The following SAMD13 variants were observed in gnomAD, a reference collection of about 807,000 sequenced individuals.
The protein encoded by SAMD13 is sterile alpha motif domain-containing protein 13.
In SAMD13, 9 loss-of-function variants were observed where a neutral mutation model predicts 12.4. The observed-to-expected ratio is 0.72, with a 90% confidence interval of 0.44 to 1.26. SAMD13 has a LOEUF of 1.26. Ranked by LOEUF, SAMD13 falls within the 50% of genes most tolerant of loss-of-function variation. The pLI is 0.00. For missense variants in SAMD13, 84 were observed against 119.6 expected (o/e 0.70, Z 1.39); for synonymous variants, 46 against 45.4 (o/e 1.01, Z -0.05).
At chr1:84,300,733 A>G (rs1359921317), upstream of SAMD13, among the ~76,000 whole-genome samples, 3 of 152,226 alleles carry the variant, frequency 2.0e-5, no homozygotes, top group African/African-American at 7.2e-5. Flanking sequence ...AAGTGGTTTA[A>G]GCCAAGCAAG....
chr1:84,306,144 T>C (rs1678567036), intron 2 of SAMD13, among the ~76,000 whole-genome samples: 1 of 152,220 alleles, frequency 6.6e-6, no homozygotes, highest in Non-Finnish European at 1.5e-5. Flanking sequence ...ATGTCTTCTT[T>C]AATTTCTCTC....
At chr1:84,320,032 G>C (rs376123761) in intron 2 of SAMD13, among the ~76,000 whole-genome samples, 8 of 152,106 alleles carry the variant, frequency 5.3e-5, no homozygotes, top group African/African-American at 1.4e-4. Flanking sequence ...TTTTGGAATA[G>C]AGCAGGAAAC....
intron 2 of SAMD13, among the ~76,000 whole-genome samples, chr1:84,322,104 TC>T (rs992884207): frequency 6.6e-6 from 1 of 152,200 alleles, no homozygotes; most frequent in Non-Finnish European, 1.5e-5. Context: ...AAATACGTCC[TC>T]AACAGCACTT....
intron 2 of SAMD13, among the ~76,000 whole-genome samples, chr1:84,312,432 A>G (rs905281566): frequency 6.6e-6 from 1 of 151,462 alleles, no homozygotes; most frequent in South Asian, 2.1e-4. Context: ...TTAACTAAAA[A>G]TATTTAATTA....
chr1:84,332,191 A>G (rs768794564), intron 3 of SAMD13, among the ~76,000 whole-genome samples: 5 of 152,180 alleles, frequency 3.3e-5, no homozygotes, highest in Non-Finnish European at 7.4e-5. Flanking sequence ...ACTGCAGTGA[A>G]CATACAGGTG....
intron 2 of SAMD13, among the ~76,000 whole-genome samples, chr1:84,312,627 A>G (rs535976921): frequency 3.0e-4 from 46 of 152,224 alleles, no homozygotes; most frequent in Non-Finnish European, 5.9e-4. Context: ...GGGATGTACT[A>G]CCAGAGAGGA....
At chr1:84,302,613 T>A in intron 1 of SAMD13, 13 of 985,124 alleles carry the variant, frequency 1.3e-5, no homozygotes, top group Non-Finnish European at 1.6e-5. Context: ...CTATCTGGCA[T>A]TTTTTGTGAG....
chr1:84,339,115 A>G (rs1324320952), intron 3 of SAMD13, among the ~76,000 whole-genome samples: 1 of 152,140 alleles, frequency 6.6e-6, no homozygotes, highest in Non-Finnish European at 1.5e-5. Flanking sequence ...CTTCATGCCT[A>G]TCTATATTCT....
chr1:84,348,111 A>G (rs1679570264), intron 3 of SAMD13, among the ~76,000 whole-genome samples: 1 of 152,210 alleles, frequency 6.6e-6, no homozygotes, highest in South Asian at 2.1e-4. Flanking sequence ...CCTGTCGAGA[A>G]TGATGGAAGG....
At chr1:84,336,553 G>A (rs1338383296) in intron 3 of SAMD13, among the ~76,000 whole-genome samples, 1 of 152,094 alleles carries the variant, frequency 6.6e-6, no homozygotes, top group African/African-American at 2.4e-5. Context: ...ATCATGAGAA[G>A]AGCATGATAA....
intron 2 of SAMD13, among the ~76,000 whole-genome samples, chr1:84,315,202 C>A (rs1222334068): frequency 6.6e-6 from 1 of 152,116 alleles, no homozygotes; most frequent in African/African-American, 2.4e-5. Context: ...ACGTATCCAT[C>A]TTCCAGGCAG....
upstream of SAMD13, chr1:84,298,679 AAC>A: frequency 9.7e-7 from 1 of 1,026,542 alleles, no homozygotes; most frequent in Admixed American, 4.3e-5. Context: ...CCCTCCCAAA[AAC>A]ACATCTTGGC....
At chr1:84,331,946 G>A (rs1285073511) in intron 3 of SAMD13, among the ~76,000 whole-genome samples, 2 of 151,988 alleles carry the variant, frequency 1.3e-5, no homozygotes, top group African/African-American at 4.8e-5. Flanking sequence ...GTCCGTATGT[G>A]CTCAATGATT....
intron 3 of SAMD13, among the ~76,000 whole-genome samples, chr1:84,340,731 G>T (rs1679405773): frequency 6.6e-6 from 1 of 152,182 alleles, no homozygotes; most frequent in Non-Finnish European, 1.5e-5. Context: ...GGGAGCATAG[G>T]TGAAGTTGTG....
intron 2 of SAMD13, among the ~76,000 whole-genome samples, chr1:84,323,161 A>T (rs539508100): frequency 1.3e-5 from 2 of 152,216 alleles, no homozygotes; most frequent in East Asian, 3.9e-4. Flanking sequence ...ATTTGTTGGA[A>T]CAATGAACTC....
chr1:84,312,524 C>T lies in SAMD13; in HGVS notation c.53+9237C>T, dbSNP rs186826893. Among the ~76,000 whole-genome samples, 14 of 152,074 alleles carry T rather than the reference C, an allele frequency of 9.2e-5. No homozygotes were observed. In the East Asian group the frequency reaches 1.7e-3, roughly 19 times the overall value. On this transcript the variant is annotated intron_variant, in intron 2 of 3. Transcript: ENST00000394834. ...AAGGGATCCTCATAACTCCTGCTGT[C>T]CATAAGCGTTCAACAAACATATTAC...
chr1:84,333,014 A>G (rs895007737), intron 3 of SAMD13, among the ~76,000 whole-genome samples: 4 of 151,972 alleles, frequency 2.6e-5, no homozygotes, highest in African/African-American at 9.7e-5. Flanking sequence ...GTTTTTGTCA[A>G]CTTTGTCAAA....
intron 2 of SAMD13, among the ~76,000 whole-genome samples, chr1:84,307,258 T>C (rs1678600345): frequency 6.6e-6 from 1 of 152,234 alleles, no homozygotes; most frequent in Non-Finnish European, 1.5e-5. Context: ...TCGTTTTTGA[T>C]AGCTTCTATT....
chr1:84,333,475 T>C (rs1679234024), intron 3 of SAMD13, among the ~76,000 whole-genome samples: 1 of 152,176 alleles, frequency 6.6e-6, no homozygotes, highest in South Asian at 2.1e-4. Context: ...GTGGCAATTG[T>C]GAATGGGATT....
Sources: gnomAD v4.1 joint callset for allele counts (sites outside exome capture counted in the v4.1 genomes callset) on GRCh38, gnomAD v4.1.1 for gene constraint, MANE v1.5 for transcripts, NCBI Gene and HGNC (gene_info 2026-07-23, HGNC 2026-07-21) for gene names.